RPL39: variants seen among roughly 807,000 people sequenced by gnomAD.
The protein encoded by RPL39 is ribosomal protein L39, also known as large ribosomal subunit protein eL39.
For missense variants in RPL39, 6 were observed against 37.2 expected, an observed-to-expected ratio of 0.16 and a Z score of 2.18; for synonymous variants, 8 against 11.4, an observed-to-expected ratio of 0.70 and a Z score of 0.60.
chrX:119,789,847 C>T, intron 2 of RPL39, 61 bp downstream of exon 2: 2 of 629,749 alleles, frequency 3.2e-6, no homozygotes, highest in Non-Finnish European at 5.3e-6. Context: ...AAAAGTAACC[C>T]TGGCCAGACA....
chrX:119,790,759 A>T (rs867622028), intron 1 of RPL39: 1 of 111,577 alleles, frequency 9.0e-6, no homozygotes, highest in African/African-American at 3.3e-5. Context: ...CAAAATTGGC[A>T]CGGATGCAGG....
Position 119,791,607 on chromosome X carries a change from A to ATGGCGGAGAAAGGAAGAGGAGGGAAGC in RPL39, c.-32_-31insGCTTCCCTCCTCTTCCTTTCTCCGCCA, listed in dbSNP as rs2147735347. 1 of 1,165,040 alleles carries ATGGCGGAGAAAGGAAGAGGAGGGAAGC rather than the reference A, an allele frequency of 8.6e-7. No individual in the cohort carries two copies. Among genetic ancestry groups the ATGGCGGAGAAAGGAAGAGGAGGGAAGC allele is most frequent in the Non-Finnish European group, 1.1e-6 (1 of 870,805 alleles). On this transcript the variant is annotated 5_prime_UTR_variant, in exon 1 of 3. Transcript: ENST00000361575. ...GCAGCGGAGTCAAGAACACACCACG[A>ATGGCGGAGAAAGGAAGAGGAGGGAAGC]TGGCGGAGAAAGGAAGAGGAGGGAA...
intron 2 of RPL39, among the ~76,000 whole-genome samples, chrX:119,788,240 G>A (rs1469622207): frequency 4.5e-5 from 5 of 111,855 alleles, no homozygotes; most frequent in South Asian, 3.7e-4. Flanking sequence ...CATACAAGTC[G>A]AATCAAGTTC....
In RPL39 at chrX:119,786,743, A is replaced by G; in HGVS notation, c.108-11T>C. On this transcript the variant is annotated splice_polypyrimidine_tract_variant and intron_variant, in intron 2 of 2. Transcript: ENST00000361575. ...CTTTTGGAGTTGTACCTACACAGAA[A>G]AAAATGTCAAGTTACAAAGGCAGTC... is the stretch of plus-strand genomic sequence containing the variant. 8.4e-7 allele frequency: 1 copy of G among 1,196,805 alleles called. No homozygotes were observed. Among genetic ancestry groups the G allele is most frequent in the Non-Finnish European group, 1.1e-6 (1 of 883,362 alleles).
chrX:119,789,082 CAG>C (rs1254751811), intron 2 of RPL39, among the ~76,000 whole-genome samples: 1 of 109,751 alleles, frequency 9.1e-6, no homozygotes, highest in Non-Finnish European at 1.9e-5. Flanking sequence ...TTGGGCAACA[CAG>C]AGAGACCCCA....
intron 2 of RPL39, among the ~76,000 whole-genome samples, chrX:119,787,663 C>CT (rs1466517472): frequency 2.7e-5 from 3 of 110,853 alleles, no homozygotes; most frequent in Non-Finnish European, 5.7e-5. Flanking sequence ...ATACATTTTT[C>CT]TTTTTTTGAG....
At chrX:119,786,815 C>G in intron 2 of RPL39, 83 bp from the exon 3 acceptor site, 1 of 727,379 alleles carries the variant, frequency 1.4e-6, no homozygotes, top group South Asian at 2.5e-5. Flanking sequence ...TTAGGTACCA[C>G]AAAATACAAA....
chrX:119,790,459 G>A (rs1358429828), intron 1 of RPL39: 1 of 116,782 alleles, frequency 8.6e-6, no homozygotes, highest in Non-Finnish European at 1.8e-5. Context: ...GAATCTCAGT[G>A]CTCTACTTTG....
intron 2 of RPL39, 49 bp from the exon 3 acceptor site, chrX:119,786,781 A>G (rs1280232202): frequency 1.0e-6 from 1 of 1,003,760 alleles, no homozygotes; most frequent in Admixed American, 2.3e-5. Flanking sequence ...ACAGCAATGT[A>G]GCTGTTCCCA....
intron 2 of RPL39, chrX:119,787,245 C>T: frequency 3.4e-6 from 1 of 289,948 alleles, no homozygotes; most frequent in South Asian, 3.5e-5. Context: ...CCTCGTCCTC[C>T]CAAAGAGTTG....
chrX:119,789,423 G>A lies in RPL39; in HGVS notation c.107+485C>T, dbSNP rs533326552. Among the ~76,000 whole-genome samples, 12 of 112,286 alleles carry A rather than the reference G, an allele frequency of 1.1e-4. No individual in the cohort carries two copies. The South Asian group carries it at 1.8e-3, about 17-fold the overall frequency. ...AATATAAAACTTAGCTGGGCGTGGTGACGCACGCCTGTAGTCCCAGCTACT... is the reference window on the plus strand; with the variant it reads ...AATATAAAACTTAGCTGGGCGTGGTAACGCACGCCTGTAGTCCCAGCTACT... On this transcript the variant is annotated intron_variant, in intron 2 of 2. Coordinates refer to ENST00000361575, the MANE Select transcript of RPL39 (RefSeq NM_001000.4).
intron 2 of RPL39, among the ~76,000 whole-genome samples, chrX:119,788,601 G>A (rs975829676): frequency 1.8e-5 from 2 of 111,073 alleles, no homozygotes; most frequent in Non-Finnish European, 3.8e-5. Flanking sequence ...TCTACAACAG[G>A]TACACAAATT....
chrX:119,789,227 G>C (rs930757743), intron 2 of RPL39, among the ~76,000 whole-genome samples: 1 of 111,230 alleles, frequency 9.0e-6, no homozygotes, highest in African/African-American at 3.3e-5. Flanking sequence ...TAGTGTCAAC[G>C]CAGCATGTAA....
rs772562365 is a variant in RPL39, at chrX:119,791,619, G to A, written c.-43C>T. Reference sequence around the variant, plus strand: ...AGAACACACCACGATGGCGGAGAAAGGAAGAGGAGGGAAGCTGGCGGAAGA... The same window carrying A: ...AGAACACACCACGATGGCGGAGAAAAGAAGAGGAGGGAAGCTGGCGGAAGA... On this transcript the variant is annotated 5_prime_UTR_variant, in exon 1 of 3. Coordinates refer to ENST00000361575, the MANE Select transcript of RPL39 (RefSeq NM_001000.4). 20 of 1,135,808 alleles carry A rather than the reference G, an allele frequency of 1.8e-5. No individual in the cohort carries two copies. Among genetic ancestry groups the A allele is most frequent in the Admixed American group, 1.1e-4 (4 of 37,446 alleles). The allele number at this position is 1,135,808 out of a possible 1,213,427, so 93.6% of individuals were successfully genotyped here. A position where few individuals can be genotyped will look rare whatever the true frequency, so the allele number is the denominator to read the frequency against.
At chrX:119,790,883 T>TCAAGTAATAAATTACTTGA (rs963971050) in intron 1 of RPL39, 4 of 111,201 alleles carry the variant, frequency 3.6e-5, no homozygotes, top group Non-Finnish European at 5.7e-5. Context: ...GTAAATTTTG[T>TCAAGTAATAAATTACTTGA]CAAGTAATAA....
chrX:119,789,394 T>C (rs1297896542), intron 2 of RPL39, among the ~76,000 whole-genome samples: 2 of 111,200 alleles, frequency 1.8e-5, no homozygotes, highest in African/African-American at 6.5e-5. Context: ...CCATCTCTAC[T>C]AAAAATATAA....
intron 2 of RPL39, among the ~76,000 whole-genome samples, chrX:119,787,846 G>T (rs1294024496): frequency 9.1e-6 from 1 of 110,359 alleles, no homozygotes; most frequent in Non-Finnish European, 1.9e-5. Flanking sequence ...GATGGACGGG[G>T]GTGGTCTCCC....
chrX:119,791,487 A>G (rs28384478), intron 1 of RPL39, 87 bp downstream of exon 1: 399,200 of 908,446 alleles, frequency 0.44, 67,392 homozygotes, highest in Non-Finnish European at 0.48. Flanking sequence ...CCCGCCCCTC[A>G]ACGCTCCGCG....
chrX:119,790,131 T>C, intron 1 of RPL39, 120 bp from the exon 2 acceptor site: 1 of 447,830 alleles, frequency 2.2e-6, no homozygotes, highest in Admixed American at 3.4e-5. Flanking sequence ...CAAAATCTTC[T>C]CAATGCTAAG....
Sources: allele counts gnomAD v4.1 joint callset (sites outside exome capture counted in the v4.1 genomes callset), GRCh38; gene constraint gnomAD v4.1.1; transcripts MANE v1.5; gene names NCBI Gene and HGNC (gene_info 2026-07-23, HGNC 2026-07-21).